Variants in PRMT3 observed in about 807,000 individuals in gnomAD.
PRMT3 encodes the protein protein arginine methyltransferase 3, also known as protein arginine N-methyltransferase 3.
A neutral mutation model predicts 71.9 loss-of-function variants in PRMT3; 62 were observed. The observed-to-expected ratio is 0.86, with a 90% CI of 0.70 to 1.07. The LOEUF is 1.07. Among genes scored for constraint, PRMT3 ranks in the 50% least tolerant of loss-of-function variants. PRMT3 has a pLI of 0.00. For missense variants in PRMT3, 663 were observed against 643.0 expected (o/e 1.03, Z -0.34); for synonymous variants, 213 against 220.4 (o/e 0.97, Z 0.30).
At chr11:20,446,678 C>T (rs1565216084) in intron 10 of PRMT3, among the ~76,000 whole-genome samples, 1 of 152,082 alleles carries the variant, frequency 6.6e-6, no homozygotes, top group Non-Finnish European at 1.5e-5. Flanking sequence ...TTTGAATGTG[C>T]CTATCCTTTA....
rs115574524 is a variant in PRMT3 at position 20,483,627 on chromosome 11, T to C, written c.1348-10292T>C. On this transcript the variant is annotated intron_variant, in intron 13 of 15. Coordinates refer to ENST00000331079, the MANE Select transcript of PRMT3 (RefSeq NM_005788.4). Reference sequence around the variant, plus strand: ...ATGGACTGAACACTATGTGTGGGCTTCTGTGCTAGGCACTATGAATACAAC... The same window carrying C: ...ATGGACTGAACACTATGTGTGGGCTCCTGTGCTAGGCACTATGAATACAAC... 6.6e-3 allele frequency among the ~76,000 whole-genome samples: 1,004 copies of C among 152,110 alleles called. 7 individuals are homozygous for C. The highest frequency in any genetic ancestry group is 0.023 in the African/African-American group (947 of 41,512).
At chr11:20,490,753 TA>T (rs1489456020) in intron 13 of PRMT3, among the ~76,000 whole-genome samples, 2 of 152,178 alleles carry the variant, frequency 1.3e-5, no homozygotes, top group Non-Finnish European at 1.5e-5. Flanking sequence ...AAAACAATTT[TA>T]AAAGGTACAC....
intron 9 of PRMT3, among the ~76,000 whole-genome samples, chr11:20,413,063 C>CTT (rs1490834635): frequency 8.5e-6 from 1 of 118,020 alleles, no homozygotes; most frequent in East Asian, 2.1e-4. Flanking sequence ...CAGTAGTTTG[C>CTT]TTTACTTAAA....
chr11:20,496,586 T>C (rs1851338261), intron 15 of PRMT3, among the ~76,000 whole-genome samples: 1 of 130,228 alleles, frequency 7.7e-6, no homozygotes, highest in Non-Finnish European at 1.6e-5. Context: ...TGGTTACCTC[T>C]GGATAGAAAT....
chr11:20,394,273 C>A (rs571276898), intron 5 of PRMT3, among the ~76,000 whole-genome samples: 1 of 152,142 alleles, frequency 6.6e-6, no homozygotes, highest in African/African-American at 2.4e-5. Context: ...TCACTAACTA[C>A]ATATATTAAC....
intron 10 of PRMT3, among the ~76,000 whole-genome samples, chr11:20,443,900 A>C (rs1420195772): frequency 6.6e-6 from 1 of 152,232 alleles, no homozygotes; most frequent in Non-Finnish European, 1.5e-5. Context: ...GTTCTCCAGA[A>C]GTCCACAATA....
chr11:20,459,851 A>G (rs117481000), intron 11 of PRMT3, among the ~76,000 whole-genome samples: 2,751 of 152,334 alleles, frequency 0.018, 41 homozygotes, highest in Middle Eastern at 0.095. Context: ...TTCAATAACA[A>G]ATCAGTTACT....
chr11:20,507,798 A>G (rs974021233), intron 15 of PRMT3, among the ~76,000 whole-genome samples: 30 of 147,056 alleles, frequency 2.0e-4, no homozygotes, highest in Non-Finnish European at 4.0e-4. Context: ...TTAATGAAAC[A>G]TAATGCTGCT....
intron 10 of PRMT3, among the ~76,000 whole-genome samples, chr11:20,430,280 G>A (rs1849628465): frequency 6.6e-6 from 1 of 152,004 alleles, no homozygotes; most frequent in African/African-American, 2.4e-5. Context: ...CTCCAGAATT[G>A]GGCACAGATG....
At chr11:20,447,814 A>G (rs118104185) in intron 10 of PRMT3, among the ~76,000 whole-genome samples, 4,213 of 152,044 alleles carry the variant, frequency 0.028, 86 homozygotes, top group East Asian at 0.076. Context: ...TTGCCTGCTT[A>G]TTTATGTAAA....
intron 7 of PRMT3, 104 bp from the exon 8 acceptor site, chr11:20,402,815 C>A: frequency 1.3e-6 from 1 of 765,062 alleles, no homozygotes. Flanking sequence ...ATAAAAACTG[C>A]TATGGAAACT....
Position 20,387,870 on chromosome 11 carries a change from G to C in PRMT3, c.28+96G>C. 2.6e-6 allele frequency: 4 copies of C among 1,535,348 alleles called. No homozygotes were observed. The highest frequency in any genetic ancestry group is 3.5e-6 in the Non-Finnish European group (4 of 1,140,338). On this transcript the variant is annotated intron_variant, in intron 1 of 15. Transcript: ENST00000331079. This position sits in a 1 kb window ranked among gnomAD's most constrained non-coding sequence, Gnocchi z 4.3. ...ACCCTCCGGGACACGGGCCCGGGCAGGGTGGGGGGCTCGCAGGGATCATGA... is the reference window on the plus strand; with the variant it reads ...ACCCTCCGGGACACGGGCCCGGGCACGGTGGGGGGCTCGCAGGGATCATGA...
intron 9 of PRMT3, among the ~76,000 whole-genome samples, chr11:20,411,685 T>G (rs1219774317): frequency 6.6e-6 from 1 of 152,104 alleles, no homozygotes; most frequent in Admixed American, 6.5e-5. Context: ...GACTAAAACT[T>G]AAGTTTATAT....
chr11:20,454,809 AC>A (rs1166471176), intron 11 of PRMT3, among the ~76,000 whole-genome samples: 2 of 152,272 alleles, frequency 1.3e-5, no homozygotes, highest in East Asian at 3.9e-4. Flanking sequence ...TGATGGGACC[AC>A]AATTTATTTT....
chr11:20,452,388 A>G (rs1850170294), intron 11 of PRMT3, among the ~76,000 whole-genome samples, 180 bp downstream of exon 11: 1 of 152,174 alleles, frequency 6.6e-6, no homozygotes, highest in African/African-American at 2.4e-5. Flanking sequence ...AATATTATAT[A>G]AGACATGGGG....
At chr11:20,463,600 A>G (rs921706925) in intron 12 of PRMT3, among the ~76,000 whole-genome samples, 1 of 151,458 alleles carries the variant, frequency 6.6e-6, no homozygotes, top group African/African-American at 2.4e-5. Flanking sequence ...CATTTATTTA[A>G]GTAAATAGTT....
intron 8 of PRMT3, among the ~76,000 whole-genome samples, chr11:20,404,211 G>GTTTTTTTTTTT (rs71063629): frequency 5.8e-5 from 2 of 34,330 alleles, no homozygotes; most frequent in Non-Finnish European, 9.8e-5. Context: ...ACTTTTCATA[G>GTTTTTTTTTTT]TTTTTTTTTT....
chr11:20,388,002 T>TTG lies in PRMT3; in HGVS notation c.29-5_29-4dup, dbSNP rs763227380. On this transcript the variant is annotated splice_polypyrimidine_tract_variant and intron_variant, in intron 1 of 15. Transcript: ENST00000331079. ...CCGGTGTCCGAGGCCGATCTGATTGTTGTGTGTGTGTGTTAGGCGGCCGGG... is the reference window on the plus strand; with the variant it reads ...CCGGTGTCCGAGGCCGATCTGATTGTTGTGTGTGTGTGTGTTAGGCGGCCGGG... 258 of 1,612,134 alleles carry TTG rather than the reference T, an allele frequency of 1.6e-4. 2 individuals carry two copies. The highest frequency in any genetic ancestry group is 1.2e-3 in the Middle Eastern group (7 of 6,050).
rs115211875 is a variant in PRMT3, at chr11:20,450,182, A to G, written c.994-1948A>G. ...AGGATTGGAATGTAGTGAATACTTAATTTGTACTAAAGTGTTAATTTTATT... is the reference window on the plus strand; with the variant it reads ...AGGATTGGAATGTAGTGAATACTTAGTTTGTACTAAAGTGTTAATTTTATT... On this transcript the variant is annotated intron_variant, in intron 10 of 15. Coordinates refer to ENST00000331079, the MANE Select transcript of PRMT3 (RefSeq NM_005788.4). Among the ~76,000 whole-genome samples, 1,063 of 152,270 alleles carry G rather than the reference A, an allele frequency of 7.0e-3. 14 individuals are homozygous for G. The highest frequency in any genetic ancestry group is 0.024 in the African/African-American group (1,006 of 41,566).
Sources: gnomAD v4.1 joint callset for allele counts (sites outside exome capture counted in the v4.1 genomes callset) on GRCh38, gnomAD v4.1.1 for gene constraint, Gnocchi (gnomAD v3.1) non-coding constraint, MANE v1.5 for transcripts, NCBI Gene and HGNC (gene_info 2026-07-23, HGNC 2026-07-21) for gene names.